Variants in CTDSPL observed in about 807,000 individuals in gnomAD.
CTDSPL encodes the protein CTD small phosphatase-like protein.
CTDSPL carries 8 observed loss-of-function variants against 30.5 expected under a neutral mutation model. The observed-to-expected ratio is 0.26, with a 90% CI of 0.15 to 0.47. The LOEUF (loss-of-function observed/expected upper bound fraction) is 0.47. CTDSPL is among the 20% of genes least tolerant of loss of function. The pLI is 0.99. For missense variants in CTDSPL, 248 were observed against 366.1 expected (o/e 0.68, Z 2.63); for synonymous variants, 110 against 137.9 (o/e 0.80, Z 1.42).
chr3:37,969,924 C>T (rs1388840784), intron 5 of CTDSPL, among the ~76,000 whole-genome samples: 2 of 152,194 alleles, frequency 1.3e-5, no homozygotes, highest in Non-Finnish European at 2.9e-5. Flanking sequence ...CGGCCAGCAG[C>T]ACACCCAGCA....
At chr3:37,930,260 T>A (rs753324094) in intron 1 of CTDSPL, among the ~76,000 whole-genome samples, 13 of 152,064 alleles carry the variant, frequency 8.5e-5, no homozygotes, top group East Asian at 1.9e-4. Flanking sequence ...TTTTAATTTT[T>A]ATTTTAAATT....
At chr3:37,907,943 T>A (rs1211368578) in intron 1 of CTDSPL, among the ~76,000 whole-genome samples, 2 of 152,186 alleles carry the variant, frequency 1.3e-5, no homozygotes, top group Non-Finnish European at 2.9e-5. Context: ...CTATCACACA[T>A]GGTAAATGCG....
intron 5 of CTDSPL, 95 bp from the exon 6 acceptor site, chr3:37,971,312 C>T: frequency 9.0e-7 from 1 of 1,108,598 alleles, no homozygotes; most frequent in Non-Finnish European, 1.3e-6. Context: ...AGGCAGGAAC[C>T]TTTGTAGCAA....
At chr3:37,938,321 A>G (rs1309767904) in intron 1 of CTDSPL, among the ~76,000 whole-genome samples, 1 of 150,046 alleles carries the variant, frequency 6.7e-6, no homozygotes, top group African/African-American at 2.4e-5. Flanking sequence ...ATGGTTCCAA[A>G]GCCTCCCCCG....
chr3:37,919,227 A>G (rs1461790898), intron 1 of CTDSPL, among the ~76,000 whole-genome samples: 2 of 152,224 alleles, frequency 1.3e-5, no homozygotes, highest in Non-Finnish European at 2.9e-5. Flanking sequence ...ATACTATAGA[A>G]GATGCTTCAT....
intron 1 of CTDSPL, among the ~76,000 whole-genome samples, chr3:37,867,732 C>T (rs923068208): frequency 7.9e-5 from 12 of 152,130 alleles, no homozygotes; most frequent in South Asian, 2.1e-4. Context: ...TGTCCCCTAA[C>T]GCTAACGTCT....
chr3:37,864,959 C>T (rs1438536179), intron 1 of CTDSPL, among the ~76,000 whole-genome samples: 1 of 152,100 alleles, frequency 6.6e-6, no homozygotes, highest in Non-Finnish European at 1.5e-5. Flanking sequence ...AGATGATGTA[C>T]ATTAAAGACT....
rs1397471668 is a variant in CTDSPL at position 37,937,360 on chromosome 3, A to T, written c.80-9697A>T. On this transcript the variant is annotated intron_variant, in intron 1 of 7. Coordinates refer to ENST00000273179, the MANE Select transcript of CTDSPL (RefSeq NM_001008392.2). ...ACAGATCCCTCATGAGTAAGTAAAT[A>T]CCATCTGGCCTGAGTGAGTTCTTGC... is the stretch of plus-strand genomic sequence containing the variant. 2.0e-5 allele frequency among the ~76,000 whole-genome samples: 3 copies of T among 150,112 alleles called. No individual in the cohort carries two copies. The East Asian group carries it at 5.9e-4, about 29-fold the overall frequency.
At chr3:37,957,988 T>A (rs998565615) in intron 3 of CTDSPL, among the ~76,000 whole-genome samples, 4 of 152,242 alleles carry the variant, frequency 2.6e-5, no homozygotes, top group Non-Finnish European at 5.9e-5. Context: ...TCAAAATGTG[T>A]CTATAAATTA....
intron 1 of CTDSPL, among the ~76,000 whole-genome samples, chr3:37,916,717 G>C (rs1233772717): frequency 6.6e-6 from 1 of 152,192 alleles, no homozygotes; most frequent in Non-Finnish European, 1.5e-5. Context: ...ATAAATTTCT[G>C]TTGTTTTAAG....
At position 37,975,664 on chromosome 3, in the gene CTDSPL, G is replaced by A. The variant is rs371953415; in HGVS notation, c.520-45G>A. 5.2e-6 allele frequency: 8 copies of A among 1,536,722 alleles called. No individual in the cohort carries two copies. The highest frequency in any genetic ancestry group is 7.1e-6 in the Non-Finnish European group (8 of 1,133,014). On this transcript the variant is annotated intron_variant, in intron 6 of 7. Coordinates refer to ENST00000273179, the MANE Select transcript of CTDSPL (RefSeq NM_001008392.2). This position sits in a 1 kb window ranked among gnomAD's most constrained non-coding sequence, Gnocchi z 4.9. Reference sequence around the variant, plus strand: ...TGCTGCTGTAGTTCAGGGTTTGGGGGGCTCTTTTAAACACCCAGCCTTCAT... The same window carrying A: ...TGCTGCTGTAGTTCAGGGTTTGGGGAGCTCTTTTAAACACCCAGCCTTCAT...
intron 1 of CTDSPL, among the ~76,000 whole-genome samples, chr3:37,889,914 T>TA (rs1201651987): frequency 1.3e-5 from 2 of 152,220 alleles, no homozygotes; most frequent in Non-Finnish European, 2.9e-5. Context: ...CAATCAAGTG[T>TA]AAAGACAGAA....
chr3:37,944,136 A>G (rs936029864), intron 1 of CTDSPL, among the ~76,000 whole-genome samples: 1 of 150,272 alleles, frequency 6.7e-6, no homozygotes, highest in Non-Finnish European at 1.5e-5. Context: ...CAGTTTAACA[A>G]GACTGTTTAC....
intron 2 of CTDSPL, among the ~76,000 whole-genome samples, chr3:37,951,979 AAT>A (rs1199045624): frequency 6.6e-6 from 1 of 152,190 alleles, no homozygotes; most frequent in African/African-American, 2.4e-5. Context: ...TATTTCCAAG[AAT>A]ATACCTGTCA....
intron 1 of CTDSPL, among the ~76,000 whole-genome samples, chr3:37,946,664 A>G (rs542224877): frequency 1.1e-4 from 17 of 152,302 alleles, no homozygotes; most frequent in African/African-American, 4.1e-4. Context: ...GGGAGTGTCA[A>G]GTCGATTTGT....
chr3:37,941,193 A>G (rs1698973339), intron 1 of CTDSPL, among the ~76,000 whole-genome samples: 1 of 149,988 alleles, frequency 6.7e-6, no homozygotes, highest in Non-Finnish European at 1.5e-5. Flanking sequence ...CCTCCAGTGG[A>G]TACACAGGGA....
At chr3:37,939,809 C>T (rs879366314) in intron 1 of CTDSPL, among the ~76,000 whole-genome samples, 2 of 150,448 alleles carry the variant, frequency 1.3e-5, no homozygotes, top group Admixed American at 6.7e-5. Context: ...GAAGGCATTT[C>T]TGGGCTGGGC....
intron 1 of CTDSPL, among the ~76,000 whole-genome samples, chr3:37,915,285 T>TA (rs1253950257): frequency 4.6e-5 from 7 of 152,282 alleles, no homozygotes; most frequent in African/African-American, 1.4e-4. Context: ...TTTGCTTAGG[T>TA]ATAGTTTTAT....
intron 1 of CTDSPL, among the ~76,000 whole-genome samples, chr3:37,871,870 G>C (rs1191434522): frequency 1.3e-5 from 2 of 151,866 alleles, no homozygotes; most frequent in African/African-American, 4.8e-5. Flanking sequence ...AAATTTGTTG[G>C]GTTTTTTTCC....
Sources: gnomAD v4.1 joint callset for allele counts (sites outside exome capture counted in the v4.1 genomes callset) on GRCh38, gnomAD v4.1.1 for gene constraint, Gnocchi (gnomAD v3.1) non-coding constraint, MANE v1.5 for transcripts, NCBI Gene and HGNC (gene_info 2026-07-23, HGNC 2026-07-21) for gene names.